Variants in PCDHA3 observed in about 807,000 individuals in gnomAD.
PCDHA3 encodes protocadherin alpha 3.
PCDHA3 carries 41 observed loss-of-function variants against 62.2 expected under a neutral mutation model. The ratio of observed to expected loss-of-function variants is 0.66; its 90% CI spans 0.51 to 0.86. PCDHA3 has a LOEUF of 0.86. Ranked by LOEUF, PCDHA3 falls within the 40% of genes least tolerant of loss-of-function variation. PCDHA3 has a pLI of 0.00. For missense variants in PCDHA3, 1,304 were observed against 1,241.2 expected (o/e 1.05, Z -0.76); for synonymous variants, 640 against 555.4 (o/e 1.15, Z -2.14).
intron 1 of PCDHA3, chr5:140,809,255 G>A (rs150467607): frequency 4.3e-6 from 7 of 1,613,950 alleles, no homozygotes; most frequent in South Asian, 2.2e-5. Flanking sequence ...TGTGGGTCCC[G>A]ATGCTGCGCT....
chr5:140,861,928 T>G (rs1225434437), intron 1 of PCDHA3: 1 of 154,028 alleles, frequency 6.5e-6, no homozygotes, highest in Non-Finnish European at 1.4e-5. Flanking sequence ...ATGTAAATGA[T>G]GATGCCCAGT....
At chr5:140,966,469 C>G (rs1308389710) in intron 1 of PCDHA3, 1 of 432,506 alleles carries the variant, frequency 2.3e-6, no homozygotes, top group African/African-American at 2.0e-5. Context: ...GTCTTCCCTT[C>G]TGTTTCCTTT....
At position 140,852,910 on chromosome 5, in the gene PCDHA3, G is replaced by A. The variant is rs2150524838; in HGVS notation, c.2394+49319G>A. On this transcript the variant is annotated intron_variant, in intron 1 of 3. Transcript: ENST00000522353. The stretch of plus-strand genomic sequence containing the variant: ...ATTTTTTTTTTTGAGTCAGAGTCTC[G>A]CTCTGTTGCCCAGGCTGGAGTGCAG... 89 of 797,098 alleles carry A rather than the reference G, an allele frequency of 1.1e-4. 6 individuals carry two copies. Among genetic ancestry groups the A allele is most frequent in the Non-Finnish European group, 1.3e-4 (84 of 645,392 alleles). The allele number at this position is 797,098 out of a possible 1,614,324, so 49.4% of individuals were successfully genotyped here. A position where few individuals can be genotyped will look rare whatever the true frequency, so the allele number is the denominator to read the frequency against.
At chr5:140,876,192 G>A (rs782181168) in intron 1 of PCDHA3, 6 of 1,613,732 alleles carry the variant, frequency 3.7e-6, no homozygotes, top group African/African-American at 1.3e-5. Context: ...ACAATGGTCC[G>A]GCGTTTGATA....
chr5:140,946,092 G>A (rs985293430), intron 1 of PCDHA3, among the ~76,000 whole-genome samples: 2 of 151,914 alleles, frequency 1.3e-5, no homozygotes, highest in Non-Finnish European at 2.9e-5. Flanking sequence ...CTGATAAGGA[G>A]TTAACATACC....
intron 1 of PCDHA3, among the ~76,000 whole-genome samples, chr5:140,885,103 C>G (rs1336980793): frequency 6.6e-6 from 1 of 152,018 alleles, no homozygotes; most frequent in Non-Finnish European, 1.5e-5. Context: ...CACATAAATG[C>G]TTTTTTTAAG....
At position 140,802,591 on chromosome 5, in the gene PCDHA3, A is replaced by T; in HGVS notation, c.1394A>T (p.Lys465Met). 1 of 1,613,828 alleles carries T rather than the reference A, an allele frequency of 6.2e-7. No homozygotes were observed. Among genetic ancestry groups the T allele is most frequent in the Non-Finnish European group, 8.5e-7 (1 of 1,179,954 alleles). The change falls in exon 1 of 4, where the codon AAG becomes ATG. Residue 465 changes from lysine (K) to methionine (M), a missense_variant. Coordinates refer to ENST00000522353, the MANE Select transcript of PCDHA3 (RefSeq NM_018906.3). Reference protein sequence around the residue: ...FSQSEYTVFVKENNPPGCHIF... With the variant: ...FSQSEYTVFVMENNPPGCHIF... ...CAGTCCGAGTACACGGTGTTCGTGA[A>T]GGAGAACAACCCGCCGGGCTGCCAC...
chr5:140,916,819 C>T (rs2077741305), intron 1 of PCDHA3, among the ~76,000 whole-genome samples: 1 of 152,084 alleles, frequency 6.6e-6, no homozygotes, highest in Non-Finnish European at 1.5e-5. Context: ...CATGTGCCAC[C>T]CCTATCCCTC....
chr5:140,875,313 C>T, intron 1 of PCDHA3: 3 of 1,425,730 alleles, frequency 2.1e-6, no homozygotes, highest in Non-Finnish European at 9.1e-7. Flanking sequence ...CACCCACATT[C>T]CAATCATTCA....
At chr5:140,804,179 A>G (rs1217197809) in intron 1 of PCDHA3, 1 of 152,230 alleles carries the variant, frequency 6.6e-6, no homozygotes, top group Non-Finnish European at 1.5e-5. Flanking sequence ...AATATGATTC[A>G]TTTTAGGCCT....
rs1230659356 is a variant in PCDHA3, at chr5:140,825,430, T to G, written c.2394+21839T>G. 4 of 147,522 alleles carry G rather than the reference T, an allele frequency of 2.7e-5. No homozygotes were observed. In the East Asian group the frequency reaches 7.8e-4, roughly 29 times the overall value. The allele number at this position is 147,522 out of a possible 1,614,324, so 9.1% of individuals were successfully genotyped here. ...TATTTTATATAATATATATAATAAA[T>G]ATATAATAATAATATATATCAGATA... On this transcript the variant is annotated intron_variant, in intron 1 of 3. Transcript: ENST00000522353.
chr5:140,852,915 G>T (rs112871977), intron 1 of PCDHA3: 1 of 783,362 alleles, frequency 1.3e-6, no homozygotes, highest in Non-Finnish European at 1.6e-6. Context: ...GTCTCGCTCT[G>T]TTGCCCAGGC....
chr5:140,933,064 A>G (rs2088836698), intron 1 of PCDHA3, among the ~76,000 whole-genome samples: 1 of 152,030 alleles, frequency 6.6e-6, no homozygotes, highest in African/African-American at 2.4e-5. Context: ...GATCCTGACT[A>G]AAGTATTATG....
chr5:141,000,417 ATATATTTTTTT>A (rs2097924314), intron 3 of PCDHA3, among the ~76,000 whole-genome samples: 12 of 77,748 alleles, frequency 1.5e-4, no homozygotes, highest in Non-Finnish European at 2.3e-4. Flanking sequence ...ATATATATAT[ATATATTTTTTT>A]TTTTTTTTTT....
At chr5:140,866,070 T>C (rs1446078370) in intron 1 of PCDHA3, 1 of 152,178 alleles carries the variant, frequency 6.6e-6, no homozygotes, top group Non-Finnish European at 1.5e-5. Flanking sequence ...CACACTGAGA[T>C]AGGTATTTTG....
At chr5:140,897,458 G>T (rs191522392) in intron 1 of PCDHA3, among the ~76,000 whole-genome samples, 1 of 151,310 alleles carries the variant, frequency 6.6e-6, no homozygotes, top group African/African-American at 2.4e-5. Flanking sequence ...TTGTCCTTGC[G>T]ATAGTTTACT....
chr5:140,928,152 T>G, intron 1 of PCDHA3: 1 of 1,614,200 alleles, frequency 6.2e-7, no homozygotes, highest in East Asian at 2.2e-5. Context: ...CCTCAGATAG[T>G]GGCTCACCCC....
Position 140,802,823 on chromosome 5 carries a change from G to A in PCDHA3, c.1626G>A (p.Val542=). The A allele has an allele frequency of 1.2e-6, 2 of 1,613,590 alleles. No individual in the cohort carries two copies. Among genetic ancestry groups the A allele is most frequent in the Non-Finnish European group, 1.7e-6 (2 of 1,179,914 alleles). Residue 542 remains valine (V), a synonymous_variant, in exon 1 of 4, where the codon GTG becomes GTA. Coordinates refer to ENST00000522353, the MANE Select transcript of PCDHA3 (RefSeq NM_018906.3). ...QFQVSARDAG[V]PPLGSNVTLQ... The stretch of plus-strand genomic sequence containing the variant: ...AGGTGAGTGCGCGCGATGCGGGCGT[G>A]CCGCCTCTGGGCAGCAACGTGACGC...
chr5:140,848,637 A>G, intron 1 of PCDHA3: 1 of 1,593,240 alleles, frequency 6.3e-7, no homozygotes, highest in Non-Finnish European at 8.6e-7. Context: ...CGTGGGCCGC[A>G]TCGCGCAGGA....
Sources: gnomAD v4.1 joint callset for allele counts (sites outside exome capture counted in the v4.1 genomes callset) on GRCh38, gnomAD v4.1.1 for gene constraint, MANE v1.5 for transcripts, NCBI Gene and HGNC (gene_info 2026-07-23, HGNC 2026-07-21) for gene names.